Variants in ANKS1B observed in about 807,000 individuals in gnomAD.
ANKS1B encodes the protein ankyrin repeat and sterile alpha motif domain-containing protein 1B.
A neutral mutation model predicts 148.3 loss-of-function variants in ANKS1B; 36 were observed. The ratio of observed to expected loss-of-function variants is 0.24; its 90% CI spans 0.19 to 0.32. The LOEUF is 0.32. Ranked by LOEUF, ANKS1B falls within the 10% of genes least tolerant of loss-of-function variation. ANKS1B has a pLI of 1.00. For synonymous variants in ANKS1B, 542 were observed against 560.8 expected (o/e 0.97, Z 0.47); for missense variants, 1,157 against 1,542.6 (o/e 0.75, Z 4.19).
intron 14 of ANKS1B, among the ~76,000 whole-genome samples, chr12:99,239,712 G>A (rs936547001): frequency 5.3e-5 from 8 of 152,206 alleles, no homozygotes; most frequent in Non-Finnish European, 7.3e-5. Context: ...GACTAACAGT[G>A]GATCTCTTGG....
At chr12:99,612,529 G>A (rs888313853) in intron 9 of ANKS1B, among the ~76,000 whole-genome samples, 1 of 152,034 alleles carries the variant, frequency 6.6e-6, no homozygotes, top group Non-Finnish European at 1.5e-5. Context: ...GGTTGGATTC[G>A]AATCCTCAAA....
intron 14 of ANKS1B, among the ~76,000 whole-genome samples, chr12:99,181,859 T>C (rs1210595820): frequency 4.6e-5 from 7 of 151,936 alleles, no homozygotes; most frequent in Non-Finnish European, 1.0e-4. Context: ...TTTAATTATA[T>C]AACTAATGAT....
intron 17 of ANKS1B, among the ~76,000 whole-genome samples, chr12:98,853,356 T>C (rs983224886): frequency 6.6e-5 from 10 of 152,212 alleles, no homozygotes; most frequent in African/African-American, 1.9e-4. Context: ...AGGAATTATA[T>C]GTGCTTCCTC....
At chr12:99,587,996 ACG>A (rs2097661164) in intron 9 of ANKS1B, among the ~76,000 whole-genome samples, 1 of 152,168 alleles carries the variant, frequency 6.6e-6, no homozygotes, top group African/African-American at 2.4e-5. Context: ...GCCTAGATGT[ACG>A]AGTTACATTG....
chr12:99,251,912 G>A (rs148382725), intron 12 of ANKS1B, among the ~76,000 whole-genome samples: 172 of 152,244 alleles, frequency 1.1e-3, no homozygotes, highest in African/African-American at 3.9e-3. Flanking sequence ...ATATCAGGTG[G>A]CAAAGTTTCA....
intron 26 of ANKS1B, among the ~76,000 whole-genome samples, chr12:98,748,292 G>C (rs1329050660): frequency 6.6e-6 from 1 of 152,196 alleles, no homozygotes; most frequent in Non-Finnish European, 1.5e-5. Context: ...GACAGCTAAG[G>C]GTGAGGAGGT....
chr12:99,042,511 G>C (rs1253077286), intron 17 of ANKS1B, among the ~76,000 whole-genome samples: 3 of 152,146 alleles, frequency 2.0e-5, no homozygotes, highest in African/African-American at 7.2e-5. Context: ...CCCACAAACT[G>C]TAAGCTCAGC....
At chr12:98,742,058 T>C (rs1375938905), downstream of ANKS1B, among the ~76,000 whole-genome samples, 2 of 140,684 alleles carry the variant, frequency 1.4e-5, no homozygotes, top group African/African-American at 5.7e-5. Context: ...TCTCTTGCTC[T>C]TACTGTGGTG....
At chr12:98,850,313 T>C (rs1306872445) in intron 17 of ANKS1B, among the ~76,000 whole-genome samples, 1 of 152,138 alleles carries the variant, frequency 6.6e-6, no homozygotes. Flanking sequence ...ATATCAAATA[T>C]GAGAAATTAT....
Position 99,633,825 on chromosome 12 carries a change from T to C in ANKS1B, c.1272+21242A>G, listed in dbSNP as rs191313553. Among the ~76,000 whole-genome samples the C allele has an allele frequency of 4.6e-5, 7 of 152,314 alleles. No individual in the cohort carries two copies. In the East Asian group the frequency reaches 1.2e-3, roughly 25 times the overall value. On this transcript the variant is annotated intron_variant, in intron 9 of 26. Transcript: ENST00000683438. ...ACCCCATCAACAAGTGGGCGAAGGA[T>C]ATGAACAGACACTTCTCAAAAGAAG...
At chr12:99,936,356 G>A (rs2094769539) in intron 1 of ANKS1B, among the ~76,000 whole-genome samples, 2 of 152,068 alleles carry the variant, frequency 1.3e-5, no homozygotes, top group African/African-American at 4.8e-5. Flanking sequence ...AAATACACAG[G>A]GATAATTAGG....
In ANKS1B at chr12:99,476,285, T is replaced by C. The variant is rs1482769703; in HGVS notation, c.1438+28191A>G. On this transcript the variant is annotated intron_variant, in intron 10 of 26. Coordinates refer to ENST00000683438, the MANE Select transcript of ANKS1B (RefSeq NM_001352186.2). The stretch of plus-strand genomic sequence containing the variant: ...GCACACGCTTGTAATCCCAGCTACT[T>C]GGGAGGCTAAGGCGGGAGAATTGCT... 2.0e-5 allele frequency among the ~76,000 whole-genome samples: 3 copies of C among 151,984 alleles called. No homozygotes were observed. The East Asian group carries it at 5.8e-4, about 29-fold the overall frequency.
intron 8 of ANKS1B, among the ~76,000 whole-genome samples, chr12:99,701,073 T>C (rs2054735510): frequency 6.6e-6 from 1 of 152,196 alleles, no homozygotes; most frequent in African/African-American, 2.4e-5. Context: ...TAGTTTAACT[T>C]TGTTACCACA....
At chr12:99,730,755 G>A (rs1174425355) in intron 8 of ANKS1B, among the ~76,000 whole-genome samples, 1 of 152,156 alleles carries the variant, frequency 6.6e-6, no homozygotes, top group Non-Finnish European at 1.5e-5. Context: ...CTGGGAAAGG[G>A]GATAGGAGGG....
rs369258477 is a variant in ANKS1B, at chr12:99,273,742, A to AATTTTTTGT, written c.1757-26887_1757-26879dup. On this transcript the variant is annotated intron_variant, in intron 12 of 26. Transcript: ENST00000683438. ...CAGGCGCGTGCCACCACACCCGGCT[A>AATTTTTTGT]ATTTTTTGTATTTTTTGTATTTTTA... Among the ~76,000 whole-genome samples, 1,147 of 151,488 alleles carry AATTTTTTGT rather than the reference A, an allele frequency of 7.6e-3. 16 individuals are homozygous for AATTTTTTGT. Among genetic ancestry groups the AATTTTTTGT allele is most frequent in the African/African-American group, 0.026 (1,080 of 41,202 alleles).
chr12:99,848,815 A>C (rs920492447), intron 1 of ANKS1B, among the ~76,000 whole-genome samples: 4 of 150,360 alleles, frequency 2.7e-5, no homozygotes, highest in African/African-American at 1.0e-4. Flanking sequence ...GGTGGATTGC[A>C]TTTAAAAAAA....
chr12:99,375,966 C>A (rs1159132609), intron 12 of ANKS1B, among the ~76,000 whole-genome samples: 1 of 152,192 alleles, frequency 6.6e-6, no homozygotes, highest in East Asian at 1.9e-4. Flanking sequence ...AATATTGTCA[C>A]ATGGAACTAA....
intron 9 of ANKS1B, among the ~76,000 whole-genome samples, chr12:99,618,940 G>T (rs556829406): frequency 1.3e-5 from 2 of 152,202 alleles, no homozygotes; most frequent in Admixed American, 1.3e-4. Context: ...TCAGTAGTCG[G>T]CACTGGAATT....
intron 14 of ANKS1B, among the ~76,000 whole-genome samples, chr12:99,234,951 A>G (rs528557375): frequency 3.3e-5 from 5 of 152,294 alleles, no homozygotes; most frequent in Admixed American, 3.3e-4. Flanking sequence ...GGTACATGCC[A>G]TGGTCAATCA....
Sources: gnomAD v4.1 joint callset for allele counts (sites outside exome capture counted in the v4.1 genomes callset) on GRCh38, gnomAD v4.1.1 for gene constraint, MANE v1.5 for transcripts, NCBI Gene and HGNC (gene_info 2026-07-23, HGNC 2026-07-21) for gene names.